The following SAMTOR variants were observed in gnomAD, a reference collection of about 807,000 sequenced individuals.
SAMTOR encodes the protein UPF0532 protein C7orf60.
chr7:112,845,996 A>G, the SAMTOR span, among the ~76,000 whole-genome samples: 2 of 152,102 alleles, frequency 1.3e-5, no homozygotes, highest in Non-Finnish European at 2.9e-5. Context: ...GTTTTCACTT[A>G]TAAGTGATGA....
At chr7:112,825,196 AT>A in the SAMTOR span, among the ~76,000 whole-genome samples, 157 of 144,276 alleles carry the variant, frequency 1.1e-3, 1 homozygote, top group African/African-American at 2.6e-3. Context: ...TAATTTTTCT[AT>A]TTTTTTTTTT....
the SAMTOR span, among the ~76,000 whole-genome samples, chr7:112,922,634 T>A: frequency 6.6e-6 from 1 of 151,300 alleles, no homozygotes; most frequent in East Asian, 2.0e-4. Context: ...GAGGAGCACC[T>A]CTGCCCGGCC....
the SAMTOR span, among the ~76,000 whole-genome samples, chr7:112,904,878 A>G: frequency 6.6e-6 from 1 of 152,170 alleles, no homozygotes; most frequent in Non-Finnish European, 1.5e-5. Flanking sequence ...TTTATCTTTC[A>G]TATTTTGATA....
At chr7:112,852,249 T>C in the SAMTOR span, among the ~76,000 whole-genome samples, 1 of 152,168 alleles carries the variant, frequency 6.6e-6, no homozygotes, top group African/African-American at 2.4e-5. Context: ...GGTGTATATA[T>C]GTACATACAC....
the SAMTOR span, among the ~76,000 whole-genome samples, chr7:112,851,400 C>G: frequency 6.6e-6 from 1 of 152,248 alleles, no homozygotes; most frequent in South Asian, 2.1e-4. Flanking sequence ...TACATACCTA[C>G]AACCAACTGA....
At chr7:112,939,299 G>GTATCATT in the SAMTOR span, 1 of 474,150 alleles carries the variant, frequency 2.1e-6, no homozygotes, top group East Asian at 4.0e-5. Flanking sequence ...TGTGTGTGCC[G>GTATCATT]AGACAACAAC....
chr7:112,911,306 TCA>T, the SAMTOR span, among the ~76,000 whole-genome samples: 3 of 152,202 alleles, frequency 2.0e-5, no homozygotes, highest in South Asian at 6.2e-4. Flanking sequence ...CCTGTAATAC[TCA>T]CAGAACAGGA....
the SAMTOR span, among the ~76,000 whole-genome samples, chr7:112,914,957 T>C: frequency 2.6e-5 from 4 of 152,114 alleles, no homozygotes; most frequent in Admixed American, 6.5e-5. Context: ...TTTAAGAGTT[T>C]TGGCCAGGTG....
chr7:112,820,691 A>G, the SAMTOR span: 2 of 152,208 alleles, frequency 1.3e-5, no homozygotes, highest in Non-Finnish European at 2.9e-5. Flanking sequence ...TAATTGATAT[A>G]TTCAAAGAAA....
the SAMTOR span, among the ~76,000 whole-genome samples, chr7:112,900,665 T>A: frequency 6.6e-6 from 1 of 152,026 alleles, no homozygotes; most frequent in Admixed American, 6.6e-5. Flanking sequence ...ATCAAGACAG[T>A]GTGGTAATGG....
the SAMTOR span, among the ~76,000 whole-genome samples, chr7:112,868,039 C>A: frequency 1.3e-5 from 2 of 152,162 alleles, no homozygotes; most frequent in African/African-American, 4.8e-5. Flanking sequence ...AATCTAATGC[C>A]TGATGATCTG....
At chr7:112,861,447 G>A in the SAMTOR span, among the ~76,000 whole-genome samples, 1 of 152,120 alleles carries the variant, frequency 6.6e-6, no homozygotes, top group African/African-American at 2.4e-5. Flanking sequence ...GGTCAATACT[G>A]TCAGACCCCA....
At chr7:112,935,584 T>G in the SAMTOR span, among the ~76,000 whole-genome samples, 3 of 5,976 alleles carry the variant, frequency 5.0e-4, no homozygotes, top group Non-Finnish European at 0.021. Context: ...TACATACTTT[T>G]ACTTTTTTTT....
At chr7:112,897,747 G>C in the SAMTOR span, among the ~76,000 whole-genome samples, 273 of 152,296 alleles carry the variant, frequency 1.8e-3, no homozygotes, top group Non-Finnish European at 2.7e-3. Flanking sequence ...GCATAAAAGA[G>C]AGAAATGTAT....
chr7:112,893,363 G>A, the SAMTOR span, among the ~76,000 whole-genome samples: 1 of 152,202 alleles, frequency 6.6e-6, no homozygotes, highest in African/African-American at 2.4e-5. Context: ...ATCATCACTT[G>A]CTGCTTCACC....
the SAMTOR span, among the ~76,000 whole-genome samples, chr7:112,865,597 ATATATT>A: frequency 1.9e-4 from 28 of 147,552 alleles, no homozygotes; most frequent in Non-Finnish European, 3.4e-4. Context: ...TCATATATAT[ATATATT>A]TCATATATAT....
the SAMTOR span, chr7:112,939,578 G>C: frequency 3.1e-6 from 5 of 1,613,948 alleles, no homozygotes; most frequent in Non-Finnish European, 4.2e-6. Flanking sequence ...CCCTCACTCA[G>C]CGCGCTGTTT....
the SAMTOR span, among the ~76,000 whole-genome samples, chr7:112,849,572 A>G: frequency 6.6e-6 from 1 of 152,140 alleles, no homozygotes; most frequent in Non-Finnish European, 1.5e-5. Flanking sequence ...TTCTTTTCCA[A>G]TTTGGATGCC....
the SAMTOR span, among the ~76,000 whole-genome samples, chr7:112,859,373 G>A: frequency 3.9e-5 from 6 of 152,262 alleles, no homozygotes; most frequent in South Asian, 6.2e-4. Flanking sequence ...TAACATTTGC[G>A]GAGTTGCTGG....
Sources: allele counts gnomAD v4.1 joint callset (sites outside exome capture counted in the v4.1 genomes callset), GRCh38; gene constraint gnomAD v4.1.1; transcripts MANE v1.5; gene names NCBI Gene and HGNC (gene_info 2026-07-23, HGNC 2026-07-21).